The following CNTN1 variants were observed in gnomAD, a reference collection of about 807,000 sequenced individuals.
CNTN1 encodes contactin-1.
Under a neutral mutation model 126.4 loss-of-function variants are expected in CNTN1, and 38 were observed. The ratio of observed to expected loss-of-function variants is 0.30; its 90% CI spans 0.23 to 0.39. The LOEUF is 0.39. Among genes scored for constraint, CNTN1 ranks in the 10% least tolerant of loss-of-function variants. The probability of loss-of-function intolerance (pLI) is 1.00; values close to 1 mark genes in which losing one functional copy is unlikely to be tolerated. For synonymous variants in CNTN1, 413 were observed against 422.6 expected, an observed-to-expected ratio of 0.98 and a Z score of 0.28; for missense variants, 1,009 against 1,248.4, an observed-to-expected ratio of 0.81 and a Z score of 2.89.
At chr12:40,951,066 C>T (rs1302725995) in intron 14 of CNTN1, among the ~76,000 whole-genome samples, 2 of 152,108 alleles carry the variant, frequency 1.3e-5, no homozygotes, top group East Asian at 3.9e-4. Context: ...AACTTGAAAA[C>T]CATATAAATT....
At chr12:41,005,959 G>C (rs1473375947) in intron 17 of CNTN1, among the ~76,000 whole-genome samples, 1 of 152,162 alleles carries the variant, frequency 6.6e-6, no homozygotes, top group Admixed American at 6.5e-5. Context: ...ACCTTTGCTG[G>C]AGAGGTGATT....
intron 1 of CNTN1, among the ~76,000 whole-genome samples, chr12:40,697,423 T>A (rs1941477840): frequency 6.6e-6 from 1 of 152,156 alleles, no homozygotes; most frequent in South Asian, 2.1e-4. Flanking sequence ...CATTTGACTC[T>A]TTATTGGAGT....
chr12:40,847,102 G>A (rs879172804), intron 1 of CNTN1, among the ~76,000 whole-genome samples: 2 of 152,012 alleles, frequency 1.3e-5, no homozygotes, highest in South Asian at 2.1e-4. Flanking sequence ...TCCTGACTTC[G>A]TGATCCACCC....
At chr12:40,803,623 G>A (rs1592104211) in intron 1 of CNTN1, among the ~76,000 whole-genome samples, 1 of 152,020 alleles carries the variant, frequency 6.6e-6, no homozygotes, top group South Asian at 2.1e-4. Flanking sequence ...AGACCCCCTT[G>A]TATGTAATTT....
intron 1 of CNTN1, among the ~76,000 whole-genome samples, chr12:40,780,771 GT>G (rs1173146886): frequency 6.7e-6 from 1 of 149,730 alleles, no homozygotes; most frequent in Non-Finnish European, 1.5e-5. Flanking sequence ...TTAAGGAGAG[GT>G]TAAGGCATTC....
chr12:41,025,680 A>C (rs2120825493), intron 21 of CNTN1, among the ~76,000 whole-genome samples: 1 of 152,356 alleles, frequency 6.6e-6, no homozygotes, highest in African/African-American at 2.4e-5. Flanking sequence ...TGTGAAAACT[A>C]AAATTCTGCT....
At chr12:40,920,210 T>G (rs1039635580) in intron 4 of CNTN1, among the ~76,000 whole-genome samples, 3 of 152,158 alleles carry the variant, frequency 2.0e-5, no homozygotes, top group African/African-American at 7.2e-5. Context: ...CAAATCAGTC[T>G]CTAGGCTAGA....
intron 7 of CNTN1, among the ~76,000 whole-genome samples, chr12:40,932,899 T>C (rs1014663238): frequency 6.6e-6 from 1 of 152,020 alleles, no homozygotes; most frequent in Non-Finnish European, 1.5e-5. Context: ...GAAGGATTAA[T>C]ACATCTTTCA....
chr12:40,849,140 T>TGAA (rs1408586081), intron 1 of CNTN1, among the ~76,000 whole-genome samples: 1 of 152,146 alleles, frequency 6.6e-6, no homozygotes, highest in Admixed American at 6.5e-5. Flanking sequence ...TTCAGGCTAC[T>TGAA]GATCATTAAA....
intron 1 of CNTN1, among the ~76,000 whole-genome samples, chr12:40,813,047 C>CTTTCTTTCTTTCTTTCTTTCTT (rs1565773047): frequency 3.8e-5 from 4 of 106,056 alleles, no homozygotes; most frequent in African/African-American, 1.5e-4. Flanking sequence ...TCCTTTCTTT[C>CTTTCTTTCTTTCTTTCTTTCTT]TTTCTTTCTT....
chr12:40,807,630 T>G (rs1167657453), intron 1 of CNTN1, among the ~76,000 whole-genome samples: 1 of 152,176 alleles, frequency 6.6e-6, no homozygotes, highest in Non-Finnish European at 1.5e-5. Flanking sequence ...AGGAGTGGAC[T>G]TCATTAGATC....
At chr12:40,755,321 T>A (rs1370921437) in intron 1 of CNTN1, among the ~76,000 whole-genome samples, 1 of 151,934 alleles carries the variant, frequency 6.6e-6, no homozygotes, top group African/African-American at 2.4e-5. Flanking sequence ...TTCTTATTTA[T>A]TTATTCTTCC....
intron 1 of CNTN1, among the ~76,000 whole-genome samples, chr12:40,819,654 G>A (rs560625462): frequency 1.1e-4 from 16 of 152,284 alleles, no homozygotes; most frequent in Admixed American, 9.8e-4. Flanking sequence ...CCCTCAAGGA[G>A]CTCAAATGGC....
In CNTN1 at chr12:41,072,298, T is replaced by C. The variant is rs532223601; in HGVS notation, c.*2263T>C. ...TTGATACTGATAAATATTGAATTGA[T>C]TTTTTAGTTATTTTTTATCATTTTT... On this transcript the variant is annotated 3_prime_UTR_variant, in exon 24 of 24. Transcript: ENST00000551295. The C allele has an allele frequency of 6.6e-6, 1 of 152,328 alleles. No homozygotes were observed. Among genetic ancestry groups the C allele is most frequent in the East Asian group, 1.9e-4 (1 of 5,182 alleles). 9.4% of individuals were successfully genotyped at this position (152,328 alleles called of 1,614,324 possible).
At chr12:40,871,120 C>A (rs965724516) in intron 1 of CNTN1, among the ~76,000 whole-genome samples, 7 of 139,236 alleles carry the variant, frequency 5.0e-5, no homozygotes, top group African/African-American at 1.8e-4. Flanking sequence ...AAAGACAATT[C>A]TTTGTTGGGA....
intron 23 of CNTN1, among the ~76,000 whole-genome samples, chr12:41,065,068 T>G (rs928609374): frequency 6.6e-6 from 1 of 152,060 alleles, no homozygotes; most frequent in Non-Finnish European, 1.5e-5. Context: ...ATTTTTTTAT[T>G]TTTTTGAGAC....
chr12:40,737,490 G>GA (rs567681075), intron 1 of CNTN1, among the ~76,000 whole-genome samples: 1,749 of 151,664 alleles, frequency 0.012, 24 homozygotes, highest in Non-Finnish European at 0.013. Context: ...AGAACCTGGA[G>GA]TCCGATGTTC....
At chr12:40,835,073 G>C (rs1056726701) in intron 1 of CNTN1, among the ~76,000 whole-genome samples, 9 of 152,034 alleles carry the variant, frequency 5.9e-5, no homozygotes, top group Non-Finnish European at 1.3e-4. Context: ...ACCAGACTAT[G>C]GCAAATGTGA....
chr12:40,960,189 GT>G (rs1462791901), intron 15 of CNTN1, among the ~76,000 whole-genome samples: 2 of 151,510 alleles, frequency 1.3e-5, no homozygotes, highest in Non-Finnish European at 2.9e-5. Context: ...TTGGTACACA[GT>G]TATCTACTCT....
Sources: allele counts gnomAD v4.1 joint callset (sites outside exome capture counted in the v4.1 genomes callset), GRCh38; gene constraint gnomAD v4.1.1; transcripts MANE v1.5; gene names NCBI Gene and HGNC (gene_info 2026-07-23, HGNC 2026-07-21).